Variants in REV1 observed in about 807,000 individuals in gnomAD.
The protein encoded by REV1 is REV1 DNA directed polymerase.
A neutral mutation model predicts 137.4 loss-of-function variants in REV1; 42 were observed. That is an observed-to-expected ratio of 0.31 (90% CI 0.24 to 0.40). The LOEUF (loss-of-function observed/expected upper bound fraction) is 0.40. Ranked by LOEUF, REV1 falls within the 10% of genes least tolerant of loss-of-function variation. The probability of loss-of-function intolerance (pLI) is 1.00; values close to 1 mark genes in which losing one functional copy is unlikely to be tolerated. For missense variants in REV1, 1,282 were observed against 1,490.1 expected, an observed-to-expected ratio of 0.86 and a Z score of 2.30; for synonymous variants, 524 against 519.2, an observed-to-expected ratio of 1.01 and a Z score of -0.12.
At chr2:99,486,188 T>A (rs971324101) in intron 1 of REV1, among the ~76,000 whole-genome samples, 7 of 152,114 alleles carry the variant, frequency 4.6e-5, no homozygotes, top group African/African-American at 1.7e-4. Flanking sequence ...AAATACAAAA[T>A]CCTAAGTGAA....
At chr2:99,451,017 G>A (rs185296333) in intron 3 of REV1, among the ~76,000 whole-genome samples, 85 of 152,282 alleles carry the variant, frequency 5.6e-4, no homozygotes, top group Middle Eastern at 3.4e-3. Flanking sequence ...CAGCATCAGA[G>A]TGATTTAATG....
intron 1 of REV1, among the ~76,000 whole-genome samples, chr2:99,479,934 A>G (rs577265655): frequency 1.2e-3 from 181 of 152,320 alleles, no homozygotes; most frequent in Non-Finnish European, 2.2e-3. Context: ...AACAATCAGT[A>G]GGATTTTACA....
intron 3 of REV1, among the ~76,000 whole-genome samples, chr2:99,453,765 C>A (rs954095773): frequency 4.6e-5 from 7 of 150,694 alleles, no homozygotes; most frequent in Admixed American, 2.0e-4. Context: ...TGGTAACACG[C>A]GCCTGTAGTC....
intron 1 of REV1, among the ~76,000 whole-genome samples, chr2:99,472,123 T>A (rs934421535): frequency 2.0e-4 from 30 of 152,150 alleles, no homozygotes; most frequent in African/African-American, 7.0e-4. Flanking sequence ...TAATAAGCAT[T>A]ATTCACAATA....
intron 15 of REV1, chr2:99,407,077 G>GTTTTTTTTT (rs1293864331): frequency 1.3e-4 from 6 of 46,784 alleles, no homozygotes; most frequent in Admixed American, 6.2e-4. Context: ...ACCTACAAAG[G>GTTTTTTTTT]TTCTTTTTTT....
chr2:99,421,563 T>C lies in REV1; in HGVS notation c.1767A>G (p.Glu589=). Residue 589 remains glutamate (E), a synonymous_variant, in exon 11 of 23, where the codon GAA becomes GAG. Coordinates refer to ENST00000258428, the MANE Select transcript of REV1 (RefSeq NM_016316.4). ...TTTCCATACGAACAGCATTTGCAAA[T>C]TCATCAGGAGTAAGTTTGGTCTCTG... ...ILAETKLTPD[E]FANAVRMEIK... 6.2e-7 allele frequency: 1 copy of C among 1,614,084 alleles called. No homozygotes were observed. The highest frequency in any genetic ancestry group is 8.5e-7 in the Non-Finnish European group (1 of 1,179,976).
intron 1 of REV1, among the ~76,000 whole-genome samples, chr2:99,478,565 T>C (rs1686237222): frequency 6.6e-6 from 1 of 152,162 alleles, no homozygotes; most frequent in Non-Finnish European, 1.5e-5. Flanking sequence ...CAAATGATTA[T>C]CTGTAGAAAA....
intron 5 of REV1, 24 bp from the exon 6 acceptor site, chr2:99,439,334 G>A (rs1167707886): frequency 6.5e-7 from 1 of 1,536,276 alleles, no homozygotes; most frequent in South Asian, 1.2e-5. Context: ...AAATTTTTGA[G>A]TTAATAATAT....
At position 99,453,532 on chromosome 2, in the gene REV1, G is replaced by A. The variant is rs528709418; in HGVS notation, c.182-4028C>T. On this transcript the variant is annotated intron_variant, in intron 3 of 22. Transcript: ENST00000258428. ...CCCTCCTACAAATCCTTCTCTTGTT[G>A]CCCACCCTTCAGTATATACTCCTTC... Among the ~76,000 whole-genome samples the A allele has an allele frequency of 1.5e-4, 23 of 151,936 alleles. No individual in the cohort carries two copies. The East Asian group carries it at 4.5e-3, about 29-fold the overall frequency.
In REV1 at chr2:99,437,441, ACTAT is replaced by A. The variant is rs946129351; in HGVS notation, c.1213+1156_1213+1159del. ...GAGTAAGGATTTAGATTCATGCTAA[ACTAT>A]CTAACTCCAAAGCCAGATACTTCCT... is the stretch of plus-strand genomic sequence containing the variant. On this transcript the variant is annotated intron_variant, in intron 6 of 22. Transcript: ENST00000258428. Among the ~76,000 whole-genome samples, 107 of 152,318 alleles carry A rather than the reference ACTAT, an allele frequency of 7.0e-4. No homozygotes were observed. The Middle Eastern group carries it at 0.01, about 15-fold the overall frequency.
chr2:99,482,246 AG>A (rs1686683559), intron 1 of REV1, among the ~76,000 whole-genome samples: 1 of 152,250 alleles, frequency 6.6e-6, no homozygotes, highest in Non-Finnish European at 1.5e-5. Context: ...CTGTACTGGA[AG>A]GATGACACGT....
chr2:99,459,914 C>G (rs1429519299), intron 3 of REV1, among the ~76,000 whole-genome samples: 1 of 152,046 alleles, frequency 6.6e-6, no homozygotes, highest in Non-Finnish European at 1.5e-5. Context: ...AATGGCTGAA[C>G]TGGGAGCTTT....
chr2:99,403,521 A>C, intron 19 of REV1, 174 bp downstream of exon 19: 1 of 841,758 alleles, frequency 1.2e-6, no homozygotes, highest in South Asian at 1.9e-5. Context: ...ACACAAATCC[A>C]ACTAGAAATA....
At position 99,424,735 on chromosome 2, in the gene REV1, C is replaced by T. The variant is rs553915626; in HGVS notation, c.1548-455G>A. On this transcript the variant is annotated intron_variant, in intron 9 of 22. Coordinates refer to ENST00000258428, the MANE Select transcript of REV1 (RefSeq NM_016316.4). ...AACAAAAGAACTACACAAAACAGTG[C>T]TATGTGACAAACAGACAAAATGTAC... The T allele has an allele frequency of 1.1e-4, 146 of 1,296,420 alleles. No individual in the cohort carries two copies. The South Asian group carries it at 1.6e-3, about 15-fold the overall frequency. 80.3% of individuals were successfully genotyped at this position (1,296,420 alleles called of 1,614,324 possible).
intron 1 of REV1, among the ~76,000 whole-genome samples, chr2:99,466,717 G>A (rs184255385): frequency 2.9e-3 from 445 of 152,254 alleles, no homozygotes; most frequent in African/African-American, 0.01. Context: ...TAATACAAAC[G>A]TTTTAGGGGC....
In REV1 at chr2:99,429,944, A is replaced by G. The variant is rs769820003; in HGVS notation, c.1443T>C (p.Asp481=). 2.6e-6 allele frequency: 4 copies of G among 1,568,422 alleles called. No homozygotes were observed. The highest frequency in any genetic ancestry group is 1.2e-5 in the South Asian group (1 of 83,638). The change falls in exon 9 of 23, where the codon GAT becomes GAC. Residue 481 remains aspartate (D), a synonymous_variant. Transcript: ENST00000258428. ...TCTCCCACAATGATGAATCTGGTAT[A>G]TCTGCTTTAAAAATAAAAAAAAATT... The part of the protein sequence containing the change: ...QNKILKGKAA[D]IPDSSLWENP...
chr2:99,416,912 CAAAAAAAAAA>C (rs755184253), intron 12 of REV1, among the ~76,000 whole-genome samples: 2 of 77,852 alleles, frequency 2.6e-5, no homozygotes, highest in African/African-American at 1.2e-4. Flanking sequence ...GACTCCATCT[CAAAAAAAAAA>C]AAAAAAAAAA....
intron 6 of REV1, among the ~76,000 whole-genome samples, chr2:99,436,944 T>C (rs1487231921): frequency 6.6e-6 from 1 of 151,988 alleles, no homozygotes; most frequent in African/African-American, 2.4e-5. Context: ...TTTACCAAAC[T>C]GTGACTGTGA....
At chr2:99,461,950 G>C (rs560846485) in intron 3 of REV1, among the ~76,000 whole-genome samples, 1 of 152,328 alleles carries the variant, frequency 6.6e-6, no homozygotes, top group South Asian at 2.1e-4. Flanking sequence ...AATAGGCACA[G>C]CTGGTGGGGA....
Sources: allele counts gnomAD v4.1 joint callset (sites outside exome capture counted in the v4.1 genomes callset), GRCh38; gene constraint gnomAD v4.1.1; transcripts MANE v1.5; gene names NCBI Gene and HGNC (gene_info 2026-07-23, HGNC 2026-07-21).